KDM5C: variants seen among roughly 807,000 people sequenced by gnomAD.
KDM5C encodes lysine demethylase 5C, also known as lysine-specific demethylase 5C.
Under a neutral mutation model 110.6 loss-of-function variants are expected in KDM5C, and 16 were observed. The observed-to-expected ratio is 0.14, with a 90% confidence interval of 0.10 to 0.22. KDM5C has a LOEUF of 0.22. Ranked by LOEUF, KDM5C falls within the 10% of genes least tolerant of loss-of-function variation. KDM5C has a pLI of 1.00. For missense variants in KDM5C, 681 were observed against 1,300.9 expected, an observed-to-expected ratio of 0.52 and a Z score of 7.33; for synonymous variants, 511 against 520.4, an observed-to-expected ratio of 0.98 and a Z score of 0.24.
chrX:53,190,858 C>A (rs1479184121), downstream of KDM5C, among the ~76,000 whole-genome samples: 1 of 111,711 alleles, frequency 9.0e-6, no homozygotes, highest in Non-Finnish European at 1.9e-5. Context: ...GATGAGAAAG[C>A]AAAATAAGAG....
In KDM5C at chrX:53,211,667, C is replaced by G. The variant is rs2073562735; in HGVS notation, c.1243-12G>C. ...TCTGTGGGCACCATCTGGGGGAAGACAGGTAGCAGATGACTATGGCCCATC... is the reference window on the plus strand; with the variant it reads ...TCTGTGGGCACCATCTGGGGGAAGAGAGGTAGCAGATGACTATGGCCCATC... On this transcript the variant is annotated splice_polypyrimidine_tract_variant and intron_variant, in intron 9 of 25. Coordinates refer to ENST00000375401, the MANE Select transcript of KDM5C (RefSeq NM_004187.5). The G allele has an allele frequency of 8.3e-7, 1 of 1,209,739 alleles. No individual in the cohort carries two copies. The highest frequency in any genetic ancestry group is 1.1e-6 in the Non-Finnish European group (1 of 895,015).
Position 53,196,778 on chromosome X carries a change from G to A in KDM5C, c.2889C>T (p.Ser963=). 1 of 1,212,344 alleles carries A rather than the reference G, an allele frequency of 8.2e-7. No homozygotes were observed. Residue 963 remains serine (S), a synonymous_variant, in exon 19 of 26, where the codon AGC becomes AGT. Transcript: ENST00000375401. ...CGGCCTGGGCTTTATCCACAGCAGG[G>A]CTAGGGGCTACACTGGCACCCGCGA... ...LLVAGASVAP[S]PAVDKAQAEL... is the part of the protein sequence containing the mutation.
At chrX:53,208,338 A>G (rs1192810009) in intron 12 of KDM5C, among the ~76,000 whole-genome samples, 1 of 106,933 alleles carries the variant, frequency 9.4e-6, no homozygotes, top group Non-Finnish European at 1.9e-5. Context: ...ATTCTGTGAT[A>G]AAGTTTTTTA....
In KDM5C at chrX:53,192,335, G is replaced by T; in HGVS notation, c.*632C>A. The T allele has an allele frequency of 5.5e-6, 1 of 181,189 alleles. No individual in the cohort carries two copies. 14.9% of individuals were successfully genotyped at this position (181,189 alleles called of 1,213,427 possible). On this transcript the variant is annotated 3_prime_UTR_variant, in exon 26 of 26. Coordinates refer to ENST00000375401, the MANE Select transcript of KDM5C (RefSeq NM_004187.5). The stretch of plus-strand genomic sequence containing the variant: ...CAACATGAACCCAGGAGGAGGAAAG[G>T]AGACAGGGGAGGACAGGGAGGGAGG...
At position 53,194,458 on chromosome X, in the gene KDM5C, G is replaced by A. The variant is rs782020999; in HGVS notation, c.3719C>T (p.Thr1240Ile). The A allele has an allele frequency of 2.6e-5, 31 of 1,209,650 alleles. No homozygotes were observed. Among genetic ancestry groups the A allele is most frequent in the Non-Finnish European group, 3.2e-5 (29 of 894,617 alleles). Residue 1240 changes from threonine (T) to isoleucine (I), a missense_variant, in exon 23 of 26, where the codon ACC becomes ATC. Physicochemically the swap from Thr to Ile is moderately conservative, Grantham distance 89 (BLOSUM62 -1). This residue lies in a region of KDM5C where 48 missense variants were observed against 59.7 expected (regional missense o/e 0.80). Coordinates refer to ENST00000375401, the MANE Select transcript of KDM5C (RefSeq NM_004187.5). ...CATACACAGTGGACACAGGAATTTGGTGTCCCATTCCCACCAGGCCAGCAG... is the reference window on the plus strand; with the variant it reads ...CATACACAGTGGACACAGGAATTTGATGTCCCATTCCCACCAGGCCAGCAG... ...SPLLAWWEWD[T>I]KFLCPLCMRS...
At chrX:53,203,439 T>C (rs1405058612) in intron 12 of KDM5C, among the ~76,000 whole-genome samples, 2 of 111,673 alleles carry the variant, frequency 1.8e-5, no homozygotes, top group Admixed American at 9.5e-5. Flanking sequence ...TCAGTTTTCA[T>C]CTATTTTCTT....
At chrX:53,183,737 T>A (rs1487591342) in intron 25 of KDM5C, among the ~76,000 whole-genome samples, 1 of 109,477 alleles carries the variant, frequency 9.1e-6, no homozygotes, top group Non-Finnish European at 1.9e-5. Context: ...CCCGGATAAT[T>A]TTTTTAAATT....
chrX:53,192,661 G>T lies in KDM5C; in HGVS notation c.*306C>A. 1 of 1,022,789 alleles carries T rather than the reference G, an allele frequency of 9.8e-7. No homozygotes were observed. Among genetic ancestry groups the T allele is most frequent in the Non-Finnish European group, 1.3e-6 (1 of 745,346 alleles). The allele number at this position is 1,022,789 out of a possible 1,213,427, so 84.3% of individuals were successfully genotyped here. A position where few individuals can be genotyped will look rare whatever the true frequency, so the allele number is the denominator to read the frequency against. On this transcript the variant is annotated 3_prime_UTR_variant, in exon 26 of 26. Transcript: ENST00000375401. Reference sequence around the variant, plus strand: ...ATACACTGGCCTTGTCTCTGGAATGGTGATGGCCCAGCCCCAGCCACCCCC... The same window carrying T: ...ATACACTGGCCTTGTCTCTGGAATGTTGATGGCCCAGCCCCAGCCACCCCC...
chrX:53,191,288 CTT>C, downstream of KDM5C: 1 of 172,364 alleles, frequency 5.8e-6, no homozygotes, highest in Non-Finnish European at 1.1e-5. Context: ...CTTGAAACCA[CTT>C]TGCTAAGTGA....
chrX:53,212,298 A>C, intron 8 of KDM5C: 1 of 161,208 alleles, frequency 6.2e-6, no homozygotes, highest in Non-Finnish European at 1.2e-5. Context: ...TCTAGCTAAA[A>C]TGTGATTCTT....
At chrX:53,201,404 C>G in intron 14 of KDM5C, 146 bp downstream of exon 14, 1 of 566,440 alleles carries the variant, frequency 1.8e-6, no homozygotes, top group Non-Finnish European at 3.0e-6. Context: ...AAGGGTATAG[C>G]AGAGAATGGT....
In KDM5C at chrX:53,197,757, C is replaced by T; in HGVS notation, c.2622+14G>A. 1 of 1,179,833 alleles carries T rather than the reference C, an allele frequency of 8.5e-7. No individual in the cohort carries two copies. The highest frequency in any genetic ancestry group is 1.1e-6 in the Non-Finnish European group (1 of 872,446). On this transcript the variant is annotated intron_variant, in intron 18 of 25. Coordinates refer to ENST00000375401, the MANE Select transcript of KDM5C (RefSeq NM_004187.5). ...GTCCCCTTGATCCCTCATCAGCACT[C>T]CAAGCGTCCTCACCTTGACATCCCC...
rs782710645 is a variant in KDM5C, at chrX:53,192,445, A to C, written c.*522T>G. The C allele has an allele frequency of 4.3e-6, 1 of 230,881 alleles. No individual in the cohort carries two copies. Among genetic ancestry groups the C allele is most frequent in the South Asian group, 2.0e-4 (1 of 4,967 alleles). The allele number at this position is 230,881 out of a possible 1,213,427, so 19.0% of individuals were successfully genotyped here. A position where few individuals can be genotyped will look rare whatever the true frequency, so the allele number is the denominator to read the frequency against. On this transcript the variant is annotated 3_prime_UTR_variant, in exon 26 of 26. Transcript: ENST00000375401. ...TCAGCTCCCCAGCCAAATTCCTTTAAAATAAAAAACTGTGAGCACGGCTAT... is the reference window on the plus strand; with the variant it reads ...TCAGCTCCCCAGCCAAATTCCTTTACAATAAAAAACTGTGAGCACGGCTAT...
chrX:53,214,080 G>A (rs782646397), intron 8 of KDM5C, among the ~76,000 whole-genome samples: 2 of 108,008 alleles, frequency 1.9e-5, no homozygotes, highest in African/African-American at 3.4e-5. Context: ...TCAGCCTCCC[G>A]AGCAGCTGGG....
At chrX:53,179,052 C>T (rs1266156365) in intron 25 of KDM5C, among the ~76,000 whole-genome samples, 8 of 112,211 alleles carry the variant, frequency 7.1e-5, no homozygotes, top group Admixed American at 3.8e-4. Context: ...CTGGCCAACA[C>T]GGTGAAACCT....
downstream of KDM5C, among the ~76,000 whole-genome samples, chrX:53,187,931 A>G (rs375740055): frequency 3.1e-4 from 34 of 108,566 alleles, no homozygotes; most frequent in East Asian, 5.8e-3. Context: ...TTTAGTAGAG[A>G]CGGGGTTTCA....
At position 53,198,501 on chromosome X, in the gene KDM5C, G is replaced by C. The variant is rs2073037873; in HGVS notation, c.2505C>G (p.Gly835=). 8.3e-7 allele frequency: 1 copy of C among 1,202,088 alleles called. No homozygotes were observed. ...CVSRALGLVS[G]QEAGPHRVAG... is the part of the protein sequence containing the mutation. ...TCACGCTGTCATACCCAGCTTCCTG[G>C]CCGCTGACCAGTCCCAGAGCTCGGG... The change falls in exon 17 of 26, where the codon GGC becomes GGG. Residue 835 remains glycine (G), a synonymous_variant. Coordinates refer to ENST00000375401, the MANE Select transcript of KDM5C (RefSeq NM_004187.5).
intron 14 of KDM5C, among the ~76,000 whole-genome samples, chrX:53,200,170 T>C (rs1388422755): frequency 9.0e-6 from 1 of 111,680 alleles, no homozygotes; most frequent in African/African-American, 3.3e-5. Context: ...TCCACAGGCC[T>C]ATCTCATTTT....
Position 53,192,873 on chromosome X carries a change from G to GCCCCCCCCCC in KDM5C, c.*93_*94insGGGGGGGGGG. On this transcript the variant is annotated 3_prime_UTR_variant, in exon 26 of 26. Transcript: ENST00000375401. ...AGCAGGGATGGCCACCCCCCTACCC[G>GCCCCCCCCCC]CCCACCCCCCAAGAAGCAGGCTTGA... The GCCCCCCCCCC allele has an allele frequency of 4.3e-6, 1 of 230,670 alleles. No individual in the cohort carries two copies. The highest frequency in any genetic ancestry group is 6.3e-6 in the Non-Finnish European group (1 of 159,369). The allele number at this position is 230,670 out of a possible 1,213,427, so 19.0% of individuals were successfully genotyped here. A position where few individuals can be genotyped will look rare whatever the true frequency, so the allele number is the denominator to read the frequency against.
Sources: gnomAD v4.1 joint callset for allele counts (sites outside exome capture counted in the v4.1 genomes callset) on GRCh38, gnomAD v4.1.1 for gene constraint, gnomAD v4.1.1 regional missense constraint, MANE v1.5 for transcripts, NCBI Gene and HGNC (gene_info 2026-07-23, HGNC 2026-07-21) for gene names.